Variants in CACNA2D3 observed in about 807,000 individuals in gnomAD.
CACNA2D3 encodes voltage-dependent calcium channel subunit alpha-2/delta-3.
CACNA2D3 carries 60 observed loss-of-function variants against 160.6 expected under a neutral mutation model. The ratio of observed to expected loss-of-function variants is 0.37; its 90% CI spans 0.30 to 0.46. The LOEUF is 0.46. CACNA2D3 is among the 20% of genes least tolerant of loss of function. The pLI is 1.00. For synonymous variants in CACNA2D3, 558 were observed against 492.9 expected, an observed-to-expected ratio of 1.13 and a Z score of -1.75; for missense variants, 1,205 against 1,365.0, an observed-to-expected ratio of 0.88 and a Z score of 1.85.
intron 3 of CACNA2D3, among the ~76,000 whole-genome samples, chr3:54,357,808 C>G (rs1384276728): frequency 6.6e-6 from 1 of 152,176 alleles, no homozygotes; most frequent in Non-Finnish European, 1.5e-5. Flanking sequence ...GTGAAAGAAG[C>G]CAATGTGAAA....
intron 14 of CACNA2D3, among the ~76,000 whole-genome samples, chr3:54,829,313 T>C (rs1703817023): frequency 6.6e-6 from 1 of 152,196 alleles, no homozygotes; most frequent in Non-Finnish European, 1.5e-5. Context: ...TACTAGATTC[T>C]TTCCCTGACA....
At chr3:54,784,138 G>A (rs1254073315) in intron 13 of CACNA2D3, among the ~76,000 whole-genome samples, 2 of 152,186 alleles carry the variant, frequency 1.3e-5, no homozygotes, top group African/African-American at 4.8e-5. Flanking sequence ...GGCAAGTCAA[G>A]CAGTGGGTTA....
rs555654458 is a variant in CACNA2D3 at position 54,441,480 on chromosome 3, G to C, written c.381+54706G>C. 2.4e-3 allele frequency among the ~76,000 whole-genome samples: 368 copies of C among 152,192 alleles called. 3 individuals carry two copies. Among genetic ancestry groups the C allele is most frequent in the African/African-American group, 8.5e-3 (352 of 41,530 alleles). ...TAGTTTCTTTTGCTGTGCAGAAGCTGTTTAGTTTAATTATATCCCATTTGT... is the reference window on the plus strand; with the variant it reads ...TAGTTTCTTTTGCTGTGCAGAAGCTCTTTAGTTTAATTATATCCCATTTGT... On this transcript the variant is annotated intron_variant, in intron 4 of 37. Transcript: ENST00000474759.
intron 2 of CACNA2D3, among the ~76,000 whole-genome samples, chr3:54,145,290 G>A (rs921423657): frequency 2.0e-5 from 3 of 152,222 alleles, no homozygotes; most frequent in Non-Finnish European, 4.4e-5. Flanking sequence ...GGAGATATTT[G>A]CAGATGCGAA....
chr3:54,179,579 T>A (rs1700743430), intron 2 of CACNA2D3, among the ~76,000 whole-genome samples: 1 of 152,244 alleles, frequency 6.6e-6, no homozygotes, highest in Non-Finnish European at 1.5e-5. Flanking sequence ...TCCCTCAAAA[T>A]TCATATGTTG....
intron 2 of CACNA2D3, among the ~76,000 whole-genome samples, chr3:54,224,297 A>G (rs1190791764): frequency 6.6e-6 from 1 of 152,116 alleles, no homozygotes; most frequent in Non-Finnish European, 1.5e-5. Context: ...TTAATGAAGT[A>G]GAAGGAGTAC....
intron 13 of CACNA2D3, among the ~76,000 whole-genome samples, chr3:54,764,881 A>G (rs1438047612): frequency 6.6e-6 from 1 of 152,174 alleles, no homozygotes; most frequent in South Asian, 2.1e-4. Flanking sequence ...CCATGGGCCC[A>G]TTCTAAAGCC....
In CACNA2D3 at chr3:54,647,548, T is replaced by C. The variant is rs1031520457; in HGVS notation, c.1167+5307T>C. ...GGTGTCTCATCTTCCAAGGCAACCC[T>C]GTGTGTCCACTGTCCTCAGTACAGT... is the stretch of plus-strand genomic sequence containing the variant. On this transcript the variant is annotated intron_variant, in intron 11 of 37. Coordinates refer to ENST00000474759, the MANE Select transcript of CACNA2D3 (RefSeq NM_018398.3). Among the ~76,000 whole-genome samples, 5 of 152,266 alleles carry C rather than the reference T, an allele frequency of 3.3e-5. 1 individual carries two copies. The highest frequency in any genetic ancestry group is 6.5e-5 in the Admixed American group (1 of 15,302).
At chr3:54,731,998 T>C (rs995497708) in intron 11 of CACNA2D3, among the ~76,000 whole-genome samples, 1 of 152,228 alleles carries the variant, frequency 6.6e-6, no homozygotes, top group Non-Finnish European at 1.5e-5. Flanking sequence ...ATGCCTGTGC[T>C]TCCTTAATCA....
chr3:54,231,283 G>T (rs1218877372), intron 2 of CACNA2D3, among the ~76,000 whole-genome samples: 2 of 152,196 alleles, frequency 1.3e-5, no homozygotes, highest in African/African-American at 4.8e-5. Context: ...AAGTTCTTAA[G>T]CAGGAGTTAC....
At chr3:54,866,333 C>T (rs1320778096) in intron 17 of CACNA2D3, among the ~76,000 whole-genome samples, 1 of 152,124 alleles carries the variant, frequency 6.6e-6, no homozygotes, top group Non-Finnish European at 1.5e-5. Context: ...TGAAATGGTC[C>T]CTTGAGCCTT....
In CACNA2D3 at chr3:54,565,594, T is replaced by G. The variant is rs181277587; in HGVS notation, c.676+2663T>G. Among the ~76,000 whole-genome samples, 437 of 152,338 alleles carry G rather than the reference T, an allele frequency of 2.9e-3. 1 individual carries two copies. The highest frequency in any genetic ancestry group is 4.9e-3 in the Non-Finnish European group (331 of 68,032). Reference sequence around the variant, plus strand: ...AATGTCACTGGCCACACAGGGGTAGTGAGCACTTGAAGTGTGCTAGGTGAG... The same window carrying G: ...AATGTCACTGGCCACACAGGGGTAGGGAGCACTTGAAGTGTGCTAGGTGAG... On this transcript the variant is annotated intron_variant, in intron 6 of 37. Coordinates refer to ENST00000474759, the MANE Select transcript of CACNA2D3 (RefSeq NM_018398.3).
intron 5 of CACNA2D3, among the ~76,000 whole-genome samples, chr3:54,507,842 C>T (rs1169380625): frequency 1.3e-5 from 2 of 152,202 alleles, no homozygotes; most frequent in Non-Finnish European, 2.9e-5. Flanking sequence ...CCTCGTTTTC[C>T]TCATCCCTAA....
chr3:54,750,711 G>A (rs1383429140), intron 11 of CACNA2D3, among the ~76,000 whole-genome samples: 2 of 152,098 alleles, frequency 1.3e-5, no homozygotes, highest in East Asian at 3.9e-4. Context: ...AAGTGAACGG[G>A]GGTGCAGCTA....
rs1703168442 is a variant in CACNA2D3, at chr3:55,009,654, G to T, written c.2875+211G>T. ...CCACAGGCTTCATTCAGCCCACGTT[G>T]AATGTACATCTTGACCTGTTTCCTT... is the stretch of plus-strand genomic sequence containing the variant. On this transcript the variant is annotated intron_variant, in intron 34 of 37. Transcript: ENST00000474759. 3.3e-5 allele frequency among the ~76,000 whole-genome samples: 5 copies of T among 152,190 alleles called. No individual in the cohort carries two copies. In the South Asian group the frequency reaches 8.3e-4, roughly 25 times the overall value.
intron 35 of CACNA2D3, among the ~76,000 whole-genome samples, chr3:55,066,533 G>GT (rs1704639524): frequency 6.6e-6 from 1 of 152,086 alleles, no homozygotes; most frequent in African/African-American, 2.4e-5. Context: ...GGAGTATGAG[G>GT]GAGGCATGGT....
intron 13 of CACNA2D3, among the ~76,000 whole-genome samples, chr3:54,813,211 C>T (rs1235785082): frequency 6.6e-6 from 1 of 152,112 alleles, no homozygotes; most frequent in African/African-American, 2.4e-5. Context: ...GCGGTGTGGG[C>T]CAGGAAGGAA....
intron 11 of CACNA2D3, among the ~76,000 whole-genome samples, chr3:54,666,089 T>G (rs1489729250): frequency 6.6e-6 from 1 of 152,148 alleles, no homozygotes; most frequent in Non-Finnish European, 1.5e-5. Context: ...AAATCTACCT[T>G]TAGATATATT....
intron 18 of CACNA2D3, among the ~76,000 whole-genome samples, chr3:54,873,649 C>T (rs1699592715): frequency 6.6e-6 from 1 of 152,210 alleles, no homozygotes; most frequent in African/African-American, 2.4e-5. Context: ...ACACCCAGGA[C>T]TGCGTTCTGT....
Sources: allele counts gnomAD v4.1 joint callset (sites outside exome capture counted in the v4.1 genomes callset), GRCh38; gene constraint gnomAD v4.1.1; transcripts MANE v1.5; gene names NCBI Gene and HGNC (gene_info 2026-07-23, HGNC 2026-07-21).